Variants in ARMH3 observed in about 807,000 individuals in gnomAD.
ARMH3 encodes the protein armadillo-like helical domain-containing protein 3.
A neutral mutation model predicts 99.1 loss-of-function variants in ARMH3; 60 were observed. The ratio of observed to expected loss-of-function variants is 0.61; its 90% CI spans 0.49 to 0.75. The LOEUF is 0.75. Among genes scored for constraint, ARMH3 ranks in the 30% least tolerant of loss-of-function variants. The pLI is 0.00. For synonymous variants in ARMH3, 285 were observed against 292.8 expected (o/e 0.97, Z 0.27); for missense variants, 679 against 843.1 (o/e 0.81, Z 2.41).
chr10:102,021,928 G>A (rs749229287), intron 8 of ARMH3, among the ~76,000 whole-genome samples: 6 of 151,938 alleles, frequency 3.9e-5, no homozygotes, highest in Middle Eastern at 3.4e-3. Context: ...GGCCTCAAGC[G>A]ATCCTCCCAC....
chr10:101,858,211 C>G (rs915896992), intron 24 of ARMH3, among the ~76,000 whole-genome samples: 2 of 152,182 alleles, frequency 1.3e-5, no homozygotes, highest in Non-Finnish European at 2.9e-5. Context: ...TCTAGTTGTA[C>G]CTGGGTGCTG....
chr10:101,983,358 C>T (rs1189637152), intron 19 of ARMH3, among the ~76,000 whole-genome samples: 1 of 152,118 alleles, frequency 6.6e-6, no homozygotes, highest in Non-Finnish European at 1.5e-5. Context: ...CACGGCTCAC[C>T]GCAGCCTTGA....
chr10:101,988,458 T>C (rs555257743), intron 19 of ARMH3, among the ~76,000 whole-genome samples: 116 of 152,154 alleles, frequency 7.6e-4, no homozygotes, highest in Non-Finnish European at 1.4e-3. Context: ...CTGTTAAGTG[T>C]TATAAAAAGC....
At chr10:101,855,155 C>T (rs1333089058) in intron 24 of ARMH3, among the ~76,000 whole-genome samples, 2 of 126,170 alleles carry the variant, frequency 1.6e-5, no homozygotes, top group Non-Finnish European at 1.7e-5. Flanking sequence ...GCAACCTCCA[C>T]CTCCTGGGTT....
At chr10:101,856,478 C>T (rs1359903293) in intron 24 of ARMH3, among the ~76,000 whole-genome samples, 2 of 151,986 alleles carry the variant, frequency 1.3e-5, no homozygotes, top group Admixed American at 6.6e-5. Context: ...TATCTCAAGG[C>T]TAATCTTCCA....
intron 2 of ARMH3, among the ~76,000 whole-genome samples, chr10:102,034,232 T>C (rs928812042): frequency 6.6e-5 from 10 of 152,188 alleles, no homozygotes; most frequent in Non-Finnish European, 1.3e-4. Flanking sequence ...TAATTTAAAT[T>C]GGTCCAAAGA....
At position 102,010,038 on chromosome 10, in the gene ARMH3, G is replaced by T. The variant is rs981307495; in HGVS notation, c.832-15C>A. ...ATGCTGCCCACCTGTGGAAGAAAAG[G>T]GGAATTGCAAACTTATAGCAGGAGG... is the stretch of plus-strand genomic sequence containing the variant. On this transcript the variant is annotated splice_polypyrimidine_tract_variant and intron_variant, in intron 11 of 25. Transcript: ENST00000370033. 4 of 1,613,170 alleles carry T rather than the reference G, an allele frequency of 2.5e-6. No homozygotes were observed. The highest frequency in any genetic ancestry group is 3.4e-6 in the Non-Finnish European group (4 of 1,179,268).
rs535466202 is a variant in ARMH3 at position 101,846,570 on chromosome 10, T to C, written c.*958A>G. On this transcript the variant is annotated 3_prime_UTR_variant, in exon 26 of 26. Coordinates refer to ENST00000370033, the MANE Select transcript of ARMH3 (RefSeq NM_024541.3). The stretch of plus-strand genomic sequence containing the variant: ...AGGGGAAAGCTAACGGTACTCCTGG[T>C]GCCAAAACTAAAATTCAAAAGGCGG... 1.3e-5 allele frequency: 2 copies of C among 152,394 alleles called. No homozygotes were observed. Among genetic ancestry groups the C allele is most frequent in the South Asian group, 4.1e-4 (2 of 4,830 alleles). The allele number at this position is 152,394 out of a possible 1,614,324, so 9.4% of individuals were successfully genotyped here.
chr10:102,006,201 C>T (rs751656281), intron 14 of ARMH3, among the ~76,000 whole-genome samples: 8 of 152,204 alleles, frequency 5.3e-5, no homozygotes, highest in Non-Finnish European at 8.8e-5. Flanking sequence ...CACAAGGTGA[C>T]ATTTTTCACA....
intron 23 of ARMH3, among the ~76,000 whole-genome samples, chr10:101,929,022 C>T (rs964980940): frequency 3.9e-5 from 6 of 152,198 alleles, no homozygotes; most frequent in Non-Finnish European, 8.8e-5. Context: ...TGAGCCACCA[C>T]ACCTGGCCAA....
In ARMH3 at chr10:101,935,174, A is replaced by ATATATATATATATATATATATATAT. The variant is rs1843902399; in HGVS notation, c.1781+4688_1781+4689insATATATATATATATATATATATATA. Among the ~76,000 whole-genome samples, 28 of 117,150 alleles carry ATATATATATATATATATATATATAT rather than the reference A, an allele frequency of 2.4e-4. 1 individual carries two copies. The highest frequency in any genetic ancestry group is 7.6e-4 in the African/African-American group (24 of 31,426). 76.9% of individuals were successfully genotyped at this position (117,150 alleles called of 152,430 possible). A position where few individuals can be genotyped will look rare whatever the true frequency, so the allele number is the denominator to read the frequency against. On this transcript the variant is annotated intron_variant, in intron 23 of 25. Transcript: ENST00000370033. ...AGAAGCGGAATCTCAAAGGTGGAGC[A>ATATATATATATATATATATATATAT]ATATATATATATATATATATATATA...
rs116739763 is a variant in ARMH3, at chr10:101,862,209, A to G, written c.1861-12317T>C. On this transcript the variant is annotated intron_variant, in intron 24 of 25. Transcript: ENST00000370033. The stretch of plus-strand genomic sequence containing the variant: ...AAAATGTATGACAACAATAGTACCA[A>G]TGAAAGAATAGGGCAAATGGAAACA... Among the ~76,000 whole-genome samples the G allele has an allele frequency of 4.6e-3, 701 of 152,298 alleles. 7 individuals carry two copies. Among genetic ancestry groups the G allele is most frequent in the African/African-American group, 0.016 (678 of 41,546 alleles).
intron 20 of ARMH3, among the ~76,000 whole-genome samples, chr10:101,970,730 T>TG (rs34672664): frequency 0.065 from 9,832 of 151,370 alleles, 338 homozygotes; most frequent in African/African-American, 0.07. Context: ...GCGGCTGAGG[T>TG]GGGAGGATCC....
intron 17 of ARMH3, 94 bp downstream of exon 17, chr10:101,993,444 C>G: frequency 1.1e-6 from 1 of 902,388 alleles, no homozygotes; most frequent in Non-Finnish European, 1.7e-6. Flanking sequence ...ACTTTCCACC[C>G]ACATTTGTTC....
intron 20 of ARMH3, among the ~76,000 whole-genome samples, chr10:101,968,589 T>C (rs192446917): frequency 6.6e-6 from 1 of 152,316 alleles, no homozygotes; most frequent in African/African-American, 2.4e-5. Flanking sequence ...TTTTTCTGGA[T>C]AGGAAGTGAC....
At chr10:102,014,776 T>G (rs2066708366) in intron 8 of ARMH3, among the ~76,000 whole-genome samples, 1 of 152,164 alleles carries the variant, frequency 6.6e-6, no homozygotes, top group Admixed American at 6.6e-5. Context: ...GGTCATATAT[T>G]TAAACTCATA....
rs1048342094 is a variant in ARMH3, at chr10:102,025,314, G to A, written c.415-66C>T. Reference sequence around the variant, plus strand: ...ACACCCCACCTTTGTCTAACTCTGGGTTATGTTATACAGGGTAATGTGAAT... The same window carrying A: ...ACACCCCACCTTTGTCTAACTCTGGATTATGTTATACAGGGTAATGTGAAT... On this transcript the variant is annotated intron_variant, in intron 5 of 25. Transcript: ENST00000370033. 3 of 1,320,538 alleles carry A rather than the reference G, an allele frequency of 2.3e-6. No individual in the cohort carries two copies. In the African/African-American group the frequency reaches 4.4e-5, roughly 19 times the overall value. 81.8% of individuals were successfully genotyped at this position (1,320,538 alleles called of 1,614,324 possible). A position where few individuals can be genotyped will look rare whatever the true frequency, so the allele number is the denominator to read the frequency against.
intron 2 of ARMH3, among the ~76,000 whole-genome samples, chr10:102,035,446 G>A (rs1463181656): frequency 1.3e-5 from 2 of 152,184 alleles, no homozygotes; most frequent in Admixed American, 6.5e-5. Flanking sequence ...GTCTCCCTCT[G>A]ATGCCGAGCC....
intron 23 of ARMH3, among the ~76,000 whole-genome samples, chr10:101,908,888 C>G (rs1398789200): frequency 1.3e-5 from 2 of 151,854 alleles, no homozygotes; most frequent in Non-Finnish European, 2.9e-5. Context: ...GTCTCGCACT[C>G]CTGACCTCAG....
Sources: gnomAD v4.1 joint callset for allele counts (sites outside exome capture counted in the v4.1 genomes callset) on GRCh38, gnomAD v4.1.1 for gene constraint, MANE v1.5 for transcripts, NCBI Gene and HGNC (gene_info 2026-07-23, HGNC 2026-07-21) for gene names.